The following LAPTM4B variants were observed in gnomAD, a reference collection of about 807,000 sequenced individuals.
LAPTM4B encodes the protein lysosomal-associated transmembrane protein 4B.
In LAPTM4B, 26 loss-of-function variants were observed where a neutral mutation model predicts 28.5. The observed-to-expected ratio is 0.91, with a 90% CI of 0.67 to 1.27. LAPTM4B has a LOEUF of 1.27. Among genes scored for constraint, LAPTM4B ranks in the 50% most tolerant of loss-of-function variants. LAPTM4B has a pLI of 0.00. For missense variants in LAPTM4B, 288 were observed against 285.8 expected (o/e 1.01, Z -0.06); for synonymous variants, 109 against 106.4 (o/e 1.02, Z -0.15).
At chr8:97,831,150 T>TA (rs1197233647) in intron 6 of LAPTM4B, among the ~76,000 whole-genome samples, 1 of 152,158 alleles carries the variant, frequency 6.6e-6, no homozygotes. Flanking sequence ...GTCATGGAGA[T>TA]TCCACTGAAT....
At chr8:97,815,506 A>G (rs963728017) in intron 3 of LAPTM4B, 105 bp downstream of exon 3, 2 of 795,764 alleles carry the variant, frequency 2.5e-6, no homozygotes, top group African/African-American at 3.5e-5. Context: ...TCTGTTAAGA[A>G]TCTCTGTTTA....
intron 1 of LAPTM4B, among the ~76,000 whole-genome samples, chr8:97,803,701 T>G (rs1435432310): frequency 6.6e-6 from 1 of 152,062 alleles, no homozygotes; most frequent in Non-Finnish European, 1.5e-5. Flanking sequence ...CAGGTTGGAG[T>G]GCAGTGGCGC....
chr8:97,850,474 G>GTGTGTGTGTGTGTGTGTGTGTGTGTA lies in LAPTM4B; in HGVS notation c.604-908_604-907insGTGTGTGTGTATGTGTGTGTGTGTGT, dbSNP rs150321926. 1.7e-3 allele frequency among the ~76,000 whole-genome samples: 243 copies of GTGTGTGTGTGTGTGTGTGTGTGTGTA among 146,362 alleles called. 2 individuals are homozygous for GTGTGTGTGTGTGTGTGTGTGTGTGTA. The highest frequency in any genetic ancestry group is 3.4e-3 in the Middle Eastern group (1 of 290). On this transcript the variant is annotated intron_variant, in intron 6 of 6. Coordinates refer to ENST00000521545, the MANE Select transcript of LAPTM4B (RefSeq NM_018407.6). ...AGAGCTGGAGAGGAGGGGTGTGTGTGTGTGTGTGTGTGTGTTTGGGAGAGT... is the reference window on the plus strand; with the variant it reads ...AGAGCTGGAGAGGAGGGGTGTGTGTGTGTGTGTGTGTGTGTGTGTGTGTGTATGTGTGTGTGTGTGTTTGGGAGAGT...
intron 5 of LAPTM4B, among the ~76,000 whole-genome samples, chr8:97,823,961 A>G (rs1410782059): frequency 6.6e-6 from 1 of 151,930 alleles, no homozygotes; most frequent in Non-Finnish European, 1.5e-5. Context: ...CGGCCTCCCA[A>G]AGTGTTAGAA....
rs117552681 is a variant in LAPTM4B at position 97,847,355 on chromosome 8, T to C, written c.604-4042T>C. ...TTGAGTATGTTTATCTAGGTGCTCCTTGAGTAGCTGCTGCTTGTCAGGAAG... is the reference window on the plus strand; with the variant it reads ...TTGAGTATGTTTATCTAGGTGCTCCCTGAGTAGCTGCTGCTTGTCAGGAAG... On this transcript the variant is annotated intron_variant, in intron 6 of 6. Coordinates refer to ENST00000521545, the MANE Select transcript of LAPTM4B (RefSeq NM_018407.6). 3.5e-3 allele frequency among the ~76,000 whole-genome samples: 529 copies of C among 152,362 alleles called. 9 individuals are homozygous for C. In the East Asian group the frequency reaches 0.036, roughly 10 times the overall value.
intron 5 of LAPTM4B, among the ~76,000 whole-genome samples, chr8:97,819,842 A>C (rs34885503): frequency 0.46 from 68,524 of 148,746 alleles, 15,944 homozygotes; most frequent in East Asian, 0.58. Context: ...TCACGCCATT[A>C]TCTTGCCTCA....
In LAPTM4B at chr8:97,812,206, G is replaced by GTTTTTTTTT. The variant is rs144651693; in HGVS notation, c.212-3120_212-3112dup. ...TAAAGGATAAGTAAATTAATTATTTGTTTTTTTTTTGTTGTTTTTTGTTTT... is the reference window on the plus strand; with the variant it reads ...TAAAGGATAAGTAAATTAATTATTTGTTTTTTTTTTTTTTTTTTTGTTGTTTTTTGTTTT... On this transcript the variant is annotated intron_variant, in intron 2 of 6. Transcript: ENST00000521545. Among the ~76,000 whole-genome samples, 17 of 78,364 alleles carry GTTTTTTTTT rather than the reference G, an allele frequency of 2.2e-4. 1 individual carries two copies. Among genetic ancestry groups the GTTTTTTTTT allele is most frequent in the Admixed American group, 3.2e-4 (2 of 6,256 alleles). 51.4% of individuals were successfully genotyped at this position (78,364 alleles called of 152,430 possible). A position where few individuals can be genotyped will look rare whatever the true frequency, so the allele number is the denominator to read the frequency against.
At chr8:97,842,362 T>C (rs1817362750) in intron 6 of LAPTM4B, among the ~76,000 whole-genome samples, 1 of 152,050 alleles carries the variant, frequency 6.6e-6, no homozygotes, top group Admixed American at 6.5e-5. Context: ...ACTAGAAATT[T>C]AGGCTGAGTT....
At chr8:97,838,403 G>A (rs1196098579) in intron 6 of LAPTM4B, among the ~76,000 whole-genome samples, 1 of 152,184 alleles carries the variant, frequency 6.6e-6, no homozygotes, top group East Asian at 1.9e-4. Context: ...AGGTTTCTCC[G>A]CAGACATGTG....
At chr8:97,833,589 C>G (rs1817217143) in intron 6 of LAPTM4B, among the ~76,000 whole-genome samples, 1 of 152,046 alleles carries the variant, frequency 6.6e-6, no homozygotes, top group Non-Finnish European at 1.5e-5. Flanking sequence ...TTAGGTTGTC[C>G]CACAGTCTAG....
chr8:97,801,521 A>G (rs1354849205), intron 1 of LAPTM4B, among the ~76,000 whole-genome samples: 1 of 151,980 alleles, frequency 6.6e-6, no homozygotes, highest in Non-Finnish European at 1.5e-5. Context: ...GTTTGATCCT[A>G]TTTCAGTCCA....
At chr8:97,845,732 T>G (rs889465821) in intron 6 of LAPTM4B, among the ~76,000 whole-genome samples, 1 of 152,076 alleles carries the variant, frequency 6.6e-6, no homozygotes, top group Non-Finnish European at 1.5e-5. Flanking sequence ...GATGGAAAAT[T>G]TGGCCTGCAA....
At chr8:97,800,039 T>G (rs1816647243) in intron 1 of LAPTM4B, among the ~76,000 whole-genome samples, 1 of 152,224 alleles carries the variant, frequency 6.6e-6, no homozygotes, top group Admixed American at 6.5e-5. Flanking sequence ...ACTTCCATGA[T>G]TCTTTCTCGG....
intron 1 of LAPTM4B, among the ~76,000 whole-genome samples, chr8:97,792,571 T>A (rs985806551): frequency 1.3e-5 from 2 of 150,906 alleles, no homozygotes; most frequent in Admixed American, 1.3e-4. Flanking sequence ...TCAATTTTTT[T>A]TTTATTTTTT....
At chr8:97,809,556 C>T (rs572697815) in intron 2 of LAPTM4B, among the ~76,000 whole-genome samples, 2 of 152,062 alleles carry the variant, frequency 1.3e-5, no homozygotes, top group South Asian at 2.1e-4. Flanking sequence ...AAAAATTAGT[C>T]GGGTGTGATG....
At chr8:97,825,298 T>C in intron 6 of LAPTM4B, 145 bp downstream of exon 6, 1 of 503,420 alleles carries the variant, frequency 2.0e-6, no homozygotes. Context: ...TCATCTTAGT[T>C]ATCAAAATAC....
chr8:97,777,508 G>A (rs1036853309), intron 1 of LAPTM4B, among the ~76,000 whole-genome samples: 3 of 151,814 alleles, frequency 2.0e-5, no homozygotes, highest in African/African-American at 7.3e-5. Flanking sequence ...TGTTTATTGG[G>A]CCCATTTTTG....
chr8:97,821,165 G>A (rs1472283005), intron 5 of LAPTM4B, among the ~76,000 whole-genome samples: 4 of 117,464 alleles, frequency 3.4e-5, no homozygotes, highest in Non-Finnish European at 7.8e-5. Context: ...GTGAAACCCT[G>A]TCTCTATAAA....
In LAPTM4B at chr8:97,822,537, T is replaced by TG. The variant is rs1438263357; in HGVS notation, c.508-2521_508-2520insG. Among the ~76,000 whole-genome samples the TG allele has an allele frequency of 1.0e-3, 142 of 136,356 alleles. No individual in the cohort carries two copies. The Middle Eastern group carries it at 0.02, about 19-fold the overall frequency. The allele number at this position is 136,356 out of a possible 152,430, so 89.5% of individuals were successfully genotyped here. A position where few individuals can be genotyped will look rare whatever the true frequency, so the allele number is the denominator to read the frequency against. On this transcript the variant is annotated intron_variant, in intron 5 of 6. Transcript: ENST00000521545. ...GTCAGTATGACTTCTATTTTATTTA[T>TG]TTATTTATTTATTTATTTATTTATT...
Sources: gnomAD v4.1 joint callset for allele counts (sites outside exome capture counted in the v4.1 genomes callset) on GRCh38, gnomAD v4.1.1 for gene constraint, MANE v1.5 for transcripts, NCBI Gene and HGNC (gene_info 2026-07-23, HGNC 2026-07-21) for gene names.